The following VPS50 variants were observed in gnomAD, a reference collection of about 807,000 sequenced individuals.
VPS50 encodes syndetin.
Under a neutral mutation model 139.7 loss-of-function variants are expected in VPS50, and 70 were observed. That is an observed-to-expected ratio of 0.50 (90% confidence interval 0.41 to 0.61). The LOEUF (loss-of-function observed/expected upper bound fraction) is 0.61, where lower values mean the gene tolerates loss of function less well. Among genes scored for constraint, VPS50 ranks in the 20% least tolerant of loss-of-function variants. VPS50 has a pLI of 0.00. For synonymous variants in VPS50, 365 were observed against 376.7 expected (o/e 0.97, Z 0.36); for missense variants, 921 against 1,133.7 (o/e 0.81, Z 2.69).
At chr7:93,311,941 T>C (rs1025995707) in intron 20 of VPS50, among the ~76,000 whole-genome samples, 1 of 152,132 alleles carries the variant, frequency 6.6e-6, no homozygotes, top group Non-Finnish European at 1.5e-5. Context: ...CCTATTAAAC[T>C]TCATTGTTCC....
Position 93,348,705 on chromosome 7 carries a change from C to T in VPS50, c.2208-6C>T, listed in dbSNP as rs1798472732. 6.3e-7 allele frequency: 1 copy of T among 1,594,390 alleles called. No individual in the cohort carries two copies. The highest frequency in any genetic ancestry group is 1.3e-5 in the African/African-American group (1 of 74,636). On this transcript the variant is annotated splice_region_variant and splice_polypyrimidine_tract_variant and intron_variant, in intron 23 of 27. Transcript: ENST00000305866. ...GTTTACACAGTGGGTTATTTATTCC[C>T]TTTAGGGTATTCTTGGCTGAACAGT...
At chr7:93,261,677 CAAAAA>C (rs71107890) in intron 9 of VPS50, among the ~76,000 whole-genome samples, 2 of 62,196 alleles carry the variant, frequency 3.2e-5, no homozygotes, top group Non-Finnish European at 6.2e-5. Flanking sequence ...GACTCCGTCT[CAAAAA>C]AAAAAAAAAA....
intron 25 of VPS50, among the ~76,000 whole-genome samples, chr7:93,351,052 T>C (rs886105063): frequency 6.6e-6 from 1 of 152,134 alleles, no homozygotes; most frequent in Admixed American, 6.5e-5. Context: ...ATGGAGTTCC[T>C]TCAGTCACCC....
At chr7:93,258,318 G>T (rs755291881) in intron 7 of VPS50, 39 bp from the exon 8 acceptor site, 1 of 1,604,256 alleles carries the variant, frequency 6.2e-7, no homozygotes, top group Non-Finnish European at 8.5e-7. Flanking sequence ...TGAATTTTGT[G>T]GTTGAAACAG....
At position 93,292,514 on chromosome 7, in the gene VPS50, C is replaced by T. The variant is rs1384520122; in HGVS notation, c.1075+679C>T. Among the ~76,000 whole-genome samples, 5 of 152,124 alleles carry T rather than the reference C, an allele frequency of 3.3e-5. No homozygotes were observed. The South Asian group carries it at 6.2e-4, about 19-fold the overall frequency. On this transcript the variant is annotated intron_variant, in intron 13 of 27. Coordinates refer to ENST00000305866, the MANE Select transcript of VPS50 (RefSeq NM_017667.4). ...TGAATATTCAGAATACTTATAAAAACAGTAAATGATTTTATCAGCATTTTG... is the reference window on the plus strand; with the variant it reads ...TGAATATTCAGAATACTTATAAAAATAGTAAATGATTTTATCAGCATTTTG...
At chr7:93,260,854 C>T (rs1411554902) in intron 9 of VPS50, among the ~76,000 whole-genome samples, 2 of 152,094 alleles carry the variant, frequency 1.3e-5, no homozygotes, top group South Asian at 2.1e-4. Flanking sequence ...CGCCACCATG[C>T]GCGGCTAATT....
intron 9 of VPS50, among the ~76,000 whole-genome samples, chr7:93,262,051 C>G (rs1251460512): frequency 6.6e-6 from 1 of 152,004 alleles, no homozygotes; most frequent in Non-Finnish European, 1.5e-5. Flanking sequence ...GAGGAAACCT[C>G]AATATTGGAA....
intron 21 of VPS50, among the ~76,000 whole-genome samples, chr7:93,324,063 T>C (rs541838128): frequency 1.3e-5 from 2 of 152,304 alleles, no homozygotes; most frequent in East Asian, 3.9e-4. Flanking sequence ...AAATGAGACA[T>C]TTTAAATGCT....
rs368280265 is a variant in VPS50, at chr7:93,265,045, G to A, written c.659+5413G>A. Among the ~76,000 whole-genome samples the A allele has an allele frequency of 7.9e-5, 12 of 152,204 alleles. No individual in the cohort carries two copies. In the East Asian group the frequency reaches 1.7e-3, roughly 22 times the overall value. ...ATGACAAAAATCCTAATAAACAAGA[G>A]GGTTTTAAATAAAAAGCAAACAGTT... On this transcript the variant is annotated intron_variant, in intron 9 of 27. Transcript: ENST00000305866.
At position 93,356,051 on chromosome 7, in the gene VPS50, G is replaced by T; in HGVS notation, c.2746G>T (p.Asp916Tyr). Residue 916 changes from aspartate (D) to tyrosine (Y), a missense_variant, in exon 27 of 28, where the codon GAC becomes TAC. Physicochemically the swap from Asp to Tyr is radical, Grantham distance 160. Around this residue, in one of 3 missense-constraint regions of VPS50, gnomAD observed 158 missense variants for 156.3 expected, o/e 1.01. Transcript: ENST00000305866. Reference sequence around the variant, plus strand: ...TAAAGCTTATTACCTAACTGAGAATGACATGGAACGGTGGATCAAAGAGCA... The same window carrying T: ...TAAAGCTTATTACCTAACTGAGAATTACATGGAACGGTGGATCAAAGAGCA... The part of the protein sequence containing the change: ...YIKAYYLTEN[D>Y]MERWIKEHRE... The T allele has an allele frequency of 6.5e-7, 1 of 1,531,112 alleles. No homozygotes were observed. Among genetic ancestry groups the T allele is most frequent in the South Asian group, 1.3e-5 (1 of 79,378 alleles). The allele number at this position is 1,531,112 out of a possible 1,614,324, so 94.8% of individuals were successfully genotyped here.
intron 12 of VPS50, among the ~76,000 whole-genome samples, chr7:93,291,157 T>C (rs759817340): frequency 1.3e-5 from 2 of 152,072 alleles, no homozygotes; most frequent in Non-Finnish European, 1.5e-5. Context: ...TTTGAGTTCA[T>C]ATATTGTTTC....
intron 21 of VPS50, among the ~76,000 whole-genome samples, chr7:93,324,059 G>A (rs1265043281): frequency 6.6e-6 from 1 of 152,058 alleles, no homozygotes; most frequent in East Asian, 1.9e-4. Context: ...CAGTAAATGA[G>A]ACATTTTAAA....
rs553613083 is a variant in VPS50 at position 93,302,348 on chromosome 7, CCT to C, written c.1362-1111_1362-1110del. Among the ~76,000 whole-genome samples the C allele has an allele frequency of 2.5e-4, 38 of 150,550 alleles. 1 individual carries two copies. The South Asian group carries it at 7.7e-3, about 31-fold the overall frequency. On this transcript the variant is annotated intron_variant, in intron 16 of 27. Transcript: ENST00000305866. ...TCTCTTATGATCTTTTCTGTTTCTTCCTTTTTTTTTTTCAAATTTTTGCTTCA... is the reference window on the plus strand; with the variant it reads ...TCTCTTATGATCTTTTCTGTTTCTTCTTTTTTTTTTCAAATTTTTGCTTCA...
chr7:93,349,404 C>T (rs1798496025), intron 24 of VPS50, among the ~76,000 whole-genome samples: 1 of 152,066 alleles, frequency 6.6e-6, no homozygotes, highest in African/African-American at 2.4e-5. Context: ...CATGGAAGCT[C>T]CTGGAGGGTT....
At chr7:93,331,056 A>G (rs1797926420) in intron 21 of VPS50, among the ~76,000 whole-genome samples, 1 of 152,116 alleles carries the variant, frequency 6.6e-6, no homozygotes, top group Non-Finnish European at 1.5e-5. Context: ...AATGTAACAG[A>G]TAACTTGATA....
At chr7:93,240,364 A>T (rs1211079788) in intron 2 of VPS50, among the ~76,000 whole-genome samples, 1 of 152,076 alleles carries the variant, frequency 6.6e-6, no homozygotes, top group East Asian at 1.9e-4. Context: ...AATCATGATT[A>T]TATTTTTGTT....
chr7:93,326,128 T>TGAG (rs1797763610), intron 21 of VPS50, among the ~76,000 whole-genome samples: 2 of 151,870 alleles, frequency 1.3e-5, no homozygotes, highest in Non-Finnish European at 2.9e-5. Flanking sequence ...TAAAAAATGA[T>TGAG]GAGTTCATGT....
intron 23 of VPS50, among the ~76,000 whole-genome samples, chr7:93,345,230 A>C (rs1206774106): frequency 6.6e-6 from 1 of 152,252 alleles, no homozygotes; most frequent in African/African-American, 2.4e-5. Flanking sequence ...AAAATCTAGA[A>C]GAAATGGATA....
At chr7:93,333,730 A>G (rs1342119335) in intron 21 of VPS50, among the ~76,000 whole-genome samples, 2 of 152,214 alleles carry the variant, frequency 1.3e-5, no homozygotes, top group African/African-American at 4.8e-5. Context: ...CAAAAAATAT[A>G]AATAACTTTA....
Sources: gnomAD v4.1 joint callset for allele counts (sites outside exome capture counted in the v4.1 genomes callset) on GRCh38, gnomAD v4.1.1 for gene constraint, gnomAD v4.1.1 regional missense constraint, MANE v1.5 for transcripts, NCBI Gene and HGNC (gene_info 2026-07-23, HGNC 2026-07-21) for gene names.